The following ACYP2 variants were observed in gnomAD, a reference collection of about 807,000 sequenced individuals.
ACYP2 encodes the protein acylphosphatase 2, also known as acylphosphatase-2.
A neutral mutation model predicts 11.2 loss-of-function variants in ACYP2; 12 were observed. The ratio of observed to expected loss-of-function variants is 1.08; its 90% CI spans 0.69 to 1.74. ACYP2 has a LOEUF of 1.74. Among genes scored for constraint, ACYP2 ranks in the 40% most tolerant of loss-of-function variants. ACYP2 has a pLI of 0.00. For synonymous variants in ACYP2, 43 were observed against 32.2 expected (o/e 1.33, Z -1.13); for missense variants, 134 against 101.9 (o/e 1.31, Z -1.35).
chr2:54,013,310 TG>T (rs1673492221), intron 2 of ACYP2, among the ~76,000 whole-genome samples: 12 of 141,156 alleles, frequency 8.5e-5, no homozygotes, highest in Non-Finnish European at 1.7e-4. Context: ...TGTGTGTGTG[TG>T]TGTGTTTTGA....
chr2:54,125,981 T>C (rs552681301), intron 4 of ACYP2, among the ~76,000 whole-genome samples: 57 of 152,022 alleles, frequency 3.7e-4, no homozygotes, highest in Non-Finnish European at 7.6e-4. Context: ...CTCGGGAGGT[T>C]GAGGCGGAAG....
intron 6 of ACYP2, among the ~76,000 whole-genome samples, chr2:54,295,822 G>A (rs563988399): frequency 4.6e-5 from 7 of 151,738 alleles, no homozygotes; most frequent in East Asian, 1.9e-4. Flanking sequence ...GTGCAGTGGC[G>A]CGATCTCGGC....
At chr2:54,254,179 T>C (rs1687369644) in intron 6 of ACYP2, 1 of 152,162 alleles carries the variant, frequency 6.6e-6, no homozygotes, top group Non-Finnish European at 1.5e-5. Context: ...TAACAAACAG[T>C]AGGGTTTCTG....
intron 6 of ACYP2, among the ~76,000 whole-genome samples, chr2:54,208,579 ATTTT>A (rs1412581589): frequency 6.6e-6 from 1 of 151,850 alleles, no homozygotes; most frequent in Non-Finnish European, 1.5e-5. Context: ...AACAAAAATT[ATTTT>A]CTTAGCTCCA....
At chr2:54,220,214 T>C (rs929993906) in intron 6 of ACYP2, among the ~76,000 whole-genome samples, 1 of 152,160 alleles carries the variant, frequency 6.6e-6, no homozygotes, top group Admixed American at 6.6e-5. Flanking sequence ...GCTTCTGTTA[T>C]CATTACAGCA....
At chr2:54,009,179 A>G (rs1359302689) in intron 2 of ACYP2, among the ~76,000 whole-genome samples, 1 of 151,936 alleles carries the variant, frequency 6.6e-6, no homozygotes, top group East Asian at 1.9e-4. Flanking sequence ...CAGACAGCAA[A>G]AGATTTGAGG....
chr2:54,027,537 C>A (rs1674351506), intron 2 of ACYP2, among the ~76,000 whole-genome samples: 1 of 152,166 alleles, frequency 6.6e-6, no homozygotes, highest in African/African-American at 2.4e-5. Context: ...CTTCTCGTTT[C>A]TGAAAGCTCT....
intron 6 of ACYP2, among the ~76,000 whole-genome samples, chr2:54,139,849 C>T (rs1374641745): frequency 1.3e-5 from 2 of 152,164 alleles, no homozygotes; most frequent in South Asian, 2.1e-4. Context: ...CTTTCTACAG[C>T]TTTCTCTTTC....
At chr2:54,074,511 C>T (rs1200215553) in intron 4 of ACYP2, among the ~76,000 whole-genome samples, 1 of 151,670 alleles carries the variant, frequency 6.6e-6, no homozygotes, top group African/African-American at 2.4e-5. Context: ...TTATAAAAAT[C>T]ACTGAATTGT....
intron 2 of ACYP2, among the ~76,000 whole-genome samples, chr2:53,991,787 T>A (rs1672309840): frequency 1.3e-5 from 2 of 152,022 alleles, no homozygotes; most frequent in African/African-American, 2.4e-5. Context: ...TTAAGTTTTT[T>A]ATATTTATTT....
intron 6 of ACYP2, among the ~76,000 whole-genome samples, chr2:54,250,284 G>C (rs954294374): frequency 6.6e-6 from 1 of 152,118 alleles, no homozygotes; most frequent in Non-Finnish European, 1.5e-5. Flanking sequence ...CGAGACCAGC[G>C]TGGCCAGCAT....
At chr2:54,258,794 G>A (rs749876283) in intron 6 of ACYP2, among the ~76,000 whole-genome samples, 2 of 152,138 alleles carry the variant, frequency 1.3e-5, no homozygotes, top group African/African-American at 2.4e-5. Flanking sequence ...TTCTGTTGCT[G>A]TAACTGAATA....
chr2:54,039,217 G>GTTT (rs546709588), intron 2 of ACYP2, among the ~76,000 whole-genome samples: 6 of 126,090 alleles, frequency 4.8e-5, no homozygotes, highest in Admixed American at 8.1e-5. Flanking sequence ...ATCTTTGGAA[G>GTTT]TTTTTTTTTT....
chr2:54,138,033 G>A (rs1279914630), intron 5 of ACYP2, among the ~76,000 whole-genome samples: 1 of 152,104 alleles, frequency 6.6e-6, no homozygotes, highest in Non-Finnish European at 1.5e-5. Flanking sequence ...CTAATGATTG[G>A]TGATATTGAG....
intron 2 of ACYP2, among the ~76,000 whole-genome samples, chr2:53,991,410 C>CTT (rs200668201): frequency 5.6e-5 from 8 of 141,852 alleles, no homozygotes; most frequent in South Asian, 4.5e-4. Context: ...ACTTTTTTTT[C>CTT]TTTTTTTTTT....
intron 4 of ACYP2, among the ~76,000 whole-genome samples, chr2:54,125,115 TAA>T (rs542921293): frequency 1.4e-5 from 2 of 147,630 alleles, no homozygotes; most frequent in Non-Finnish European, 3.0e-5. Context: ...CACATGGATT[TAA>T]AAAAAAAAAC....
At chr2:54,150,067 T>C (rs1306853505) in intron 6 of ACYP2, among the ~76,000 whole-genome samples, 2 of 152,222 alleles carry the variant, frequency 1.3e-5, no homozygotes, top group East Asian at 3.8e-4. Flanking sequence ...TATATAATGG[T>C]GGAATTTTAT....
intron 2 of ACYP2, among the ~76,000 whole-genome samples, chr2:53,976,553 A>T (rs1342729123): frequency 6.6e-6 from 1 of 152,200 alleles, no homozygotes; most frequent in Non-Finnish European, 1.5e-5. Context: ...ATTCATTGCA[A>T]TGTAATTAAA....
At chr2:54,221,208 C>T (rs1685786662) in intron 6 of ACYP2, among the ~76,000 whole-genome samples, 1 of 152,138 alleles carries the variant, frequency 6.6e-6, no homozygotes, top group African/African-American at 2.4e-5. Context: ...CAAACCCAGC[C>T]TAGATCAGTC....
Sources: gnomAD v4.1 joint callset for allele counts (sites outside exome capture counted in the v4.1 genomes callset) on GRCh38, gnomAD v4.1.1 for gene constraint, MANE v1.5 for transcripts, NCBI Gene and HGNC (gene_info 2026-07-23, HGNC 2026-07-21) for gene names.